Variants in COG5 observed in about 807,000 individuals in gnomAD.
COG5 encodes the protein conserved oligomeric Golgi complex subunit 5.
Under a neutral mutation model 110.4 loss-of-function variants are expected in COG5, and 86 were observed. The observed-to-expected ratio is 0.78, with a 90% confidence interval of 0.65 to 0.93. The LOEUF is 0.93. Ranked by LOEUF, COG5 falls within the 40% of genes least tolerant of loss-of-function variation. The pLI, the probability that COG5 is intolerant of heterozygous loss-of-function variation, is 0.00. For missense variants in COG5, 1,077 were observed against 987.0 expected (o/e 1.09, Z -1.22); for synonymous variants, 360 against 334.6 (o/e 1.08, Z -0.83).
At chr7:107,529,995 C>T (rs923868017) in intron 5 of COG5, among the ~76,000 whole-genome samples, 1 of 152,166 alleles carries the variant, frequency 6.6e-6, no homozygotes, top group African/African-American at 2.4e-5. Flanking sequence ...ATTTTAAATA[C>T]ATCGTAAGAA....
chr7:107,476,183 T>TAAA lies in COG5; in HGVS notation c.538+51053_538+51054insTTT, dbSNP rs1563056700. Among the ~76,000 whole-genome samples the TAAA allele has an allele frequency of 3.9e-3, 335 of 86,318 alleles. 5 individuals carry two copies. The highest frequency in any genetic ancestry group is 0.014 in the African/African-American group (247 of 17,088). 56.6% of individuals were successfully genotyped at this position (86,318 alleles called of 152,430 possible). On this transcript the variant is annotated intron_variant, in intron 6 of 21. Coordinates refer to ENST00000297135, the MANE Select transcript of COG5 (RefSeq NM_006348.5). Reference sequence around the variant, plus strand: ...TCTGGATTAATATAGTGCAATGATTTTAAAAAAAAAAAAAAAAAAAAAAAG... The same window carrying TAAA: ...TCTGGATTAATATAGTGCAATGATTTAAATAAAAAAAAAAAAAAAAAAAAAAAG...
chr7:107,205,311 A>C (rs1303915326), intron 21 of COG5, among the ~76,000 whole-genome samples: 1 of 151,936 alleles, frequency 6.6e-6, no homozygotes, highest in African/African-American at 2.4e-5. Context: ...GCCTAGACTC[A>C]ACCCAACTGA....
intron 5 of COG5, among the ~76,000 whole-genome samples, chr7:107,535,274 G>A (rs1355916544): frequency 6.6e-6 from 1 of 151,450 alleles, no homozygotes; most frequent in East Asian, 1.9e-4. Flanking sequence ...AGAAGCAAGA[G>A]CAAACAAATG....
At chr7:107,511,135 G>A (rs1334160926) in intron 6 of COG5, among the ~76,000 whole-genome samples, 2 of 149,966 alleles carry the variant, frequency 1.3e-5, no homozygotes, top group Non-Finnish European at 3.0e-5. Context: ...CAACAAAACT[G>A]ATAGACTGCT....
At chr7:107,528,933 A>G (rs1451599761) in intron 5 of COG5, among the ~76,000 whole-genome samples, 1 of 151,890 alleles carries the variant, frequency 6.6e-6, no homozygotes, top group Non-Finnish European at 1.5e-5. Flanking sequence ...AAACAAACAT[A>G]TATTTACAAA....
chr7:107,282,096 C>G (rs1246787577), intron 13 of COG5, among the ~76,000 whole-genome samples: 1 of 150,992 alleles, frequency 6.6e-6, no homozygotes, highest in African/African-American at 2.4e-5. Flanking sequence ...AGATGGAAAG[C>G]AAGAAAATTA....
chr7:107,337,242 AT>A (rs1426357654), intron 10 of COG5, among the ~76,000 whole-genome samples: 1 of 152,230 alleles, frequency 6.6e-6, no homozygotes, highest in Non-Finnish European at 1.5e-5. Flanking sequence ...TAGTACAGAG[AT>A]TTCTCAAAAA....
intron 5 of COG5, among the ~76,000 whole-genome samples, chr7:107,530,224 C>T (rs1361363023): frequency 1.3e-5 from 2 of 152,186 alleles, no homozygotes; most frequent in African/African-American, 2.4e-5. Context: ...ACATCTTTAT[C>T]ACCATTACCT....
At chr7:107,415,145 C>A (rs562718151) in intron 6 of COG5, among the ~76,000 whole-genome samples, 1 of 152,006 alleles carries the variant, frequency 6.6e-6, no homozygotes, top group Non-Finnish European at 1.5e-5. Flanking sequence ...AATGTTAGCA[C>A]TAAATTATTT....
intron 19 of COG5, among the ~76,000 whole-genome samples, chr7:107,212,209 A>G (rs1799234750): frequency 6.6e-6 from 1 of 152,220 alleles, no homozygotes; most frequent in Non-Finnish European, 1.5e-5. Context: ...CTATTCTACA[A>G]GTAAAAATCT....
chr7:107,336,431 C>G (rs1280375132), intron 10 of COG5, among the ~76,000 whole-genome samples: 2 of 152,118 alleles, frequency 1.3e-5, no homozygotes, highest in Non-Finnish European at 2.9e-5. Context: ...TTGATGACTA[C>G]AAATATACAG....
intron 7 of COG5, among the ~76,000 whole-genome samples, chr7:107,394,257 C>G (rs909613001): frequency 7.3e-5 from 11 of 150,826 alleles, no homozygotes; most frequent in African/African-American, 2.7e-4. Context: ...GCCACCATGC[C>G]TGGCCAGAAA....
At chr7:107,346,211 T>C (rs1811586039) in intron 10 of COG5, among the ~76,000 whole-genome samples, 1 of 152,236 alleles carries the variant, frequency 6.6e-6, no homozygotes, top group South Asian at 2.1e-4. Context: ...AAACATATTA[T>C]GGAAACATTT....
chr7:107,418,914 A>G (rs1157649439), intron 6 of COG5, among the ~76,000 whole-genome samples: 2 of 152,064 alleles, frequency 1.3e-5, no homozygotes, highest in Non-Finnish European at 2.9e-5. Flanking sequence ...AGCTGGGATT[A>G]CAGGAGCATG....
chr7:107,324,240 A>G (rs554067604), intron 11 of COG5, among the ~76,000 whole-genome samples, 200 bp downstream of exon 11: 22 of 152,260 alleles, frequency 1.4e-4, no homozygotes, highest in African/African-American at 5.3e-4. Flanking sequence ...ATTAATTACT[A>G]AAATGTGTAA....
At chr7:107,218,702 A>G (rs781671810) in intron 19 of COG5, among the ~76,000 whole-genome samples, 2 of 152,138 alleles carry the variant, frequency 1.3e-5, no homozygotes, top group African/African-American at 2.4e-5. Context: ...AATCAATTCA[A>G]AAACGGATAA....
intron 6 of COG5, among the ~76,000 whole-genome samples, chr7:107,521,287 G>A (rs1351792469): frequency 1.3e-5 from 2 of 152,110 alleles, no homozygotes; most frequent in Non-Finnish European, 2.9e-5. Flanking sequence ...AACAAAAATT[G>A]ATAAATGGTA....
intron 6 of COG5, among the ~76,000 whole-genome samples, chr7:107,429,668 CAT>C (rs1194739335): frequency 2.6e-5 from 4 of 152,144 alleles, no homozygotes; most frequent in Non-Finnish European, 5.9e-5. Flanking sequence ...AAAATTCCCA[CAT>C]GTTGTGAGAG....
chr7:107,236,773 T>C (rs1461626170), intron 17 of COG5, 86 bp from the exon 18 acceptor site: 1 of 863,510 alleles, frequency 1.2e-6, no homozygotes, highest in Non-Finnish European at 2.0e-6. Context: ...CCAATGCTGC[T>C]ATTTCAATCC....
Sources: allele counts gnomAD v4.1 joint callset (sites outside exome capture counted in the v4.1 genomes callset), GRCh38; gene constraint gnomAD v4.1.1; transcripts MANE v1.5; gene names NCBI Gene and HGNC (gene_info 2026-07-23, HGNC 2026-07-21).